OGDH: variants seen among roughly 807,000 people sequenced by gnomAD.
OGDH encodes oxoglutarate dehydrogenase.
In OGDH, 38 loss-of-function variants were observed where a neutral mutation model predicts 116.6. That is an observed-to-expected ratio of 0.33 (90% confidence interval 0.25 to 0.43). OGDH has a LOEUF of 0.43. OGDH is among the 20% of genes least tolerant of loss of function. OGDH has a pLI of 1.00. For missense variants in OGDH, 825 were observed against 1,357.2 expected, an observed-to-expected ratio of 0.61 and a Z score of 6.16; for synonymous variants, 488 against 533.3, an observed-to-expected ratio of 0.92 and a Z score of 1.17.
chr7:44,629,595 T>G (rs1785348020), intron 2 of OGDH, among the ~76,000 whole-genome samples: 1 of 142,006 alleles, frequency 7.0e-6, no homozygotes, highest in Non-Finnish European at 1.6e-5. Flanking sequence ...TTTTTTTTTT[T>G]TTTGAGACGA....
chr7:44,627,581 G>A (rs1785257151), intron 2 of OGDH, among the ~76,000 whole-genome samples: 1 of 152,220 alleles, frequency 6.6e-6, no homozygotes, highest in Non-Finnish European at 1.5e-5. Context: ...ATGGGGGGCT[G>A]CAAGGACTAA....
chr7:44,635,073 G>C (rs1562627539), intron 2 of OGDH, among the ~76,000 whole-genome samples: 1 of 152,206 alleles, frequency 6.6e-6, no homozygotes, highest in Non-Finnish European at 1.5e-5. Context: ...GGTCATGCAG[G>C]CCTGCCCTGT....
intron 1 of OGDH, among the ~76,000 whole-genome samples, chr7:44,616,873 GTA>G (rs200704696): frequency 0.51 from 61,805 of 121,116 alleles, 15,895 homozygotes; most frequent in East Asian, 0.71. Flanking sequence ...ATATATATAC[GTA>G]TATATATATG....
At chr7:44,705,018 A>G (rs576207338) in intron 20 of OGDH, among the ~76,000 whole-genome samples, 2 of 124,416 alleles carry the variant, frequency 1.6e-5, no homozygotes, top group South Asian at 5.4e-4. Context: ...GCCTGTTGTT[A>G]GTATCTTTTG....
In OGDH at chr7:44,647,772, G is replaced by C; in HGVS notation, c.517+13G>C. 6.2e-7 allele frequency: 1 copy of C among 1,609,052 alleles called. No homozygotes were observed. The highest frequency in any genetic ancestry group is 1.1e-5 in the South Asian group (1 of 90,938). ...ACAGACAAACTTGGTGAGGGTCTGA[G>C]AGCAGTCAGCTGCGTTGCTTGAGCT... On this transcript the variant is annotated intron_variant, in intron 4 of 22. Transcript: ENST00000222673.
At chr7:44,611,263 T>G (rs567476014) in intron 1 of OGDH, among the ~76,000 whole-genome samples, 3 of 151,776 alleles carry the variant, frequency 2.0e-5, no homozygotes, top group African/African-American at 7.2e-5. Flanking sequence ...TTGTATTTTT[T>G]GTTTTTTGGT....
chr7:44,620,371 A>T (rs1320421971), intron 1 of OGDH, among the ~76,000 whole-genome samples: 1 of 152,164 alleles, frequency 6.6e-6, no homozygotes, highest in Non-Finnish European at 1.5e-5. Context: ...TTTGTTGTTT[A>T]TACTTGTGGT....
Position 44,708,086 on chromosome 7 carries a change from T to C in OGDH, c.*87T>C. The C allele has an allele frequency of 6.6e-7, 1 of 1,515,868 alleles. No homozygotes were observed. Among genetic ancestry groups the C allele is most frequent in the East Asian group, 2.3e-5 (1 of 44,154 alleles). 93.9% of individuals were successfully genotyped at this position (1,515,868 alleles called of 1,614,324 possible). ...CAACTAAAGAATAGTGCCTCAGCGCTGCCCACACCACCGCCCTCCTCGCTG... is the reference window on the plus strand; with the variant it reads ...CAACTAAAGAATAGTGCCTCAGCGCCGCCCACACCACCGCCCTCCTCGCTG... On this transcript the variant is annotated 3_prime_UTR_variant, in exon 23 of 23. Coordinates refer to ENST00000222673, the MANE Select transcript of OGDH (RefSeq NM_002541.4).
intron 1 of OGDH, among the ~76,000 whole-genome samples, chr7:44,614,053 G>A (rs570123804): frequency 5.3e-5 from 8 of 151,258 alleles, no homozygotes; most frequent in South Asian, 2.1e-4. Context: ...CCATCCGCTC[G>A]CCTCGGCCTC....
intron 2 of OGDH, among the ~76,000 whole-genome samples, chr7:44,643,008 A>G (rs1054656773): frequency 6.6e-6 from 1 of 151,316 alleles, no homozygotes; most frequent in African/African-American, 2.4e-5. Context: ...CTGGATTCCC[A>G]TCACTTTGGG....
intron 4 of OGDH, among the ~76,000 whole-genome samples, chr7:44,660,411 T>C (rs1159317479): frequency 6.6e-6 from 1 of 152,236 alleles, no homozygotes; most frequent in East Asian, 1.9e-4. Context: ...AAGGGTGTTA[T>C]TTAGTTTCCA....
chr7:44,629,050 A>AACCC (rs1785317323), intron 2 of OGDH, among the ~76,000 whole-genome samples: 1 of 152,196 alleles, frequency 6.6e-6, no homozygotes. Context: ...CAGCCTATGA[A>AACCC]ACCCTCCTCA....
At chr7:44,693,272 C>T (rs916139951) in intron 10 of OGDH, among the ~76,000 whole-genome samples, 4 of 151,566 alleles carry the variant, frequency 2.6e-5, no homozygotes, top group Admixed American at 2.6e-4. Flanking sequence ...CACGCCATTG[C>T]ACTCTGCTTG....
intron 12 of OGDH, among the ~76,000 whole-genome samples, chr7:44,695,602 C>T (rs951433495): frequency 2.0e-5 from 3 of 151,700 alleles, no homozygotes; most frequent in Admixed American, 2.0e-4. Flanking sequence ...ACTCAGGTGG[C>T]TGAGGCAGGA....
At chr7:44,689,041 T>C (rs1788254959) in intron 10 of OGDH, among the ~76,000 whole-genome samples, 1 of 151,916 alleles carries the variant, frequency 6.6e-6, no homozygotes, top group African/African-American at 2.4e-5. Context: ...TGAGCCACTG[T>C]GCCCAGCCTG....
intron 4 of OGDH, among the ~76,000 whole-genome samples, chr7:44,660,770 A>C (rs529172838): frequency 1.6e-4 from 25 of 152,086 alleles, no homozygotes; most frequent in African/African-American, 5.3e-4. Flanking sequence ...ACCACCACCA[A>C]CAACAAAATT....
intron 10 of OGDH, 124 bp from the exon 11 acceptor site, chr7:44,693,701 T>G: frequency 4.6e-6 from 3 of 652,520 alleles, no homozygotes; most frequent in Non-Finnish European, 7.2e-6. Context: ...AAACAGCCAT[T>G]TTGGGGTACG....
In OGDH at chr7:44,651,654, C is replaced by T. The variant is rs202246599; in HGVS notation, c.517+3895C>T. Among the ~76,000 whole-genome samples, 64 of 152,152 alleles carry T rather than the reference C, an allele frequency of 4.2e-4. No homozygotes were observed. The East Asian group carries it at 7.5e-3, about 18-fold the overall frequency. ...TCGGCTCACTGCACTCTCCGCCTCCCGGGTTCAAGTGATTCTCCTGCCTCA... is the reference window on the plus strand; with the variant it reads ...TCGGCTCACTGCACTCTCCGCCTCCTGGGTTCAAGTGATTCTCCTGCCTCA... On this transcript the variant is annotated intron_variant, in intron 4 of 22. Transcript: ENST00000222673.
intron 1 of OGDH, among the ~76,000 whole-genome samples, chr7:44,611,698 A>C (rs1022275810): frequency 6.6e-6 from 1 of 152,114 alleles, no homozygotes; most frequent in Admixed American, 6.6e-5. Flanking sequence ...GGCGTGAGCC[A>C]CTGCGCCTGG....
Sources: allele counts gnomAD v4.1 joint callset (sites outside exome capture counted in the v4.1 genomes callset), GRCh38; gene constraint gnomAD v4.1.1; transcripts MANE v1.5; gene names NCBI Gene and HGNC (gene_info 2026-07-23, HGNC 2026-07-21).